The following SNX29 variants were observed in gnomAD, a reference collection of about 807,000 sequenced individuals.
SNX29 encodes the protein sorting nexin 29.
Under a neutral mutation model 102.1 loss-of-function variants are expected in SNX29, and 78 were observed. The ratio of observed to expected loss-of-function variants is 0.76; its 90% CI spans 0.64 to 0.92. SNX29 has a LOEUF of 0.92. SNX29 is among the 40% of genes least tolerant of loss of function. The pLI is 0.00. For missense variants in SNX29, 1,280 were observed against 1,061.7 expected, an observed-to-expected ratio of 1.21 and a Z score of -2.86; for synonymous variants, 580 against 414.5, an observed-to-expected ratio of 1.40 and a Z score of -4.85.
At chr16:12,433,650 A>AAAAAAAAAAAAAC (rs1491545656) in intron 18 of SNX29, among the ~76,000 whole-genome samples, 1 of 48,014 alleles carries the variant, frequency 2.1e-5, no homozygotes, top group Non-Finnish European at 5.1e-5. Flanking sequence ...AAAAAAAAAA[A>AAAAAAAAAAAAAC]GGAAACTTAG....
At chr16:12,200,787 C>T (rs898349433) in intron 14 of SNX29, among the ~76,000 whole-genome samples, 3 of 152,156 alleles carry the variant, frequency 2.0e-5, no homozygotes, top group Admixed American at 6.5e-5. Flanking sequence ...TCCCAGCCCA[C>T]ATGTCTTCAG....
At chr16:11,980,283 GC>G (rs1245160251) in intron 1 of SNX29, among the ~76,000 whole-genome samples, 1 of 151,922 alleles carries the variant, frequency 6.6e-6, no homozygotes, top group African/African-American at 2.4e-5. Flanking sequence ...CTCTTATCTG[GC>G]TTTTTTCACT....
intron 14 of SNX29, among the ~76,000 whole-genome samples, chr16:12,217,630 T>C (rs538041574): frequency 3.3e-5 from 5 of 152,218 alleles, no homozygotes; most frequent in Non-Finnish European, 7.3e-5. Flanking sequence ...AGCAGTAAGA[T>C]GGCCAGCTGC....
intron 11 of SNX29, among the ~76,000 whole-genome samples, chr16:12,115,889 C>T (rs910278331): frequency 2.0e-5 from 3 of 152,232 alleles, no homozygotes; most frequent in African/African-American, 7.2e-5. Flanking sequence ...CCACTGCACC[C>T]CGCAAGAGGA....
chr16:12,489,775 G>T (rs1238185559), intron 19 of SNX29, among the ~76,000 whole-genome samples: 2 of 151,850 alleles, frequency 1.3e-5, no homozygotes, highest in East Asian at 3.9e-4. Flanking sequence ...TTCCTCCCCC[G>T]TTCACTTCTC....
At chr16:12,311,125 A>G (rs2080527239) in intron 15 of SNX29, among the ~76,000 whole-genome samples, 1 of 152,212 alleles carries the variant, frequency 6.6e-6, no homozygotes, top group Non-Finnish European at 1.5e-5. Flanking sequence ...GATAGGGCAG[A>G]GCTGCATTGC....
At chr16:12,188,671 T>G (rs1266754278) in intron 13 of SNX29, among the ~76,000 whole-genome samples, 1 of 152,078 alleles carries the variant, frequency 6.6e-6, no homozygotes. Context: ...GCTAATGAGA[T>G]GGGCTTTATA....
intron 11 of SNX29, among the ~76,000 whole-genome samples, chr16:12,107,372 C>T (rs1332271849): frequency 1.4e-5 from 2 of 144,608 alleles, no homozygotes; most frequent in Non-Finnish European, 3.0e-5. Flanking sequence ...GTTTTTGCTT[C>T]GAAAGAATTT....
At chr16:12,303,071 C>G (rs2080228847) in intron 15 of SNX29, among the ~76,000 whole-genome samples, 1 of 152,156 alleles carries the variant, frequency 6.6e-6, no homozygotes, top group Middle Eastern at 3.2e-3. Context: ...CAAATGCAGC[C>G]CAAACCATTT....
intron 16 of SNX29, among the ~76,000 whole-genome samples, chr16:12,362,562 ACCCCC>A (rs796459458): frequency 3.5e-4 from 7 of 19,992 alleles, no homozygotes; most frequent in South Asian, 3.7e-3. Context: ...CTCCCCCCCC[ACCCCC>A]CCCCCCACCA....
chr16:12,345,469 G>A (rs781421725), intron 15 of SNX29, among the ~76,000 whole-genome samples: 2 of 152,180 alleles, frequency 1.3e-5, no homozygotes, highest in South Asian at 2.1e-4. Flanking sequence ...CTATCTAGCC[G>A]TGCTCCACTC....
chr16:12,420,808 G>A (rs1191515041), intron 18 of SNX29, among the ~76,000 whole-genome samples: 3 of 152,194 alleles, frequency 2.0e-5, no homozygotes, highest in African/African-American at 7.2e-5. Flanking sequence ...CATGCTTCAG[G>A]GTGAACACTG....
chr16:12,013,806 G>A (rs1328550925), intron 3 of SNX29, among the ~76,000 whole-genome samples: 2 of 143,790 alleles, frequency 1.4e-5, no homozygotes, highest in Non-Finnish European at 3.1e-5. Flanking sequence ...CGCCATACCC[G>A]GCTAATTTTT....
chr16:12,082,666 G>A (rs2051965544), intron 11 of SNX29, among the ~76,000 whole-genome samples: 2 of 152,156 alleles, frequency 1.3e-5, no homozygotes, highest in African/African-American at 4.8e-5. Flanking sequence ...ATGTCACCAT[G>A]TCTGCATTTG....
At chr16:12,262,714 T>C (rs2078813460) in intron 14 of SNX29, among the ~76,000 whole-genome samples, 1 of 152,244 alleles carries the variant, frequency 6.6e-6, no homozygotes, top group African/African-American at 2.4e-5. Context: ...AAGGGTGACC[T>C]GCACTTTCTG....
chr16:12,299,420 T>C (rs2080089676), intron 15 of SNX29, among the ~76,000 whole-genome samples: 1 of 152,242 alleles, frequency 6.6e-6, no homozygotes, highest in African/African-American at 2.4e-5. Flanking sequence ...GGTGTTTAGT[T>C]TGATTCCTGA....
At chr16:12,167,033 C>T (rs2076032225) in intron 13 of SNX29, among the ~76,000 whole-genome samples, 1 of 152,168 alleles carries the variant, frequency 6.6e-6, no homozygotes, top group Non-Finnish European at 1.5e-5. Flanking sequence ...TTCCACATGG[C>T]CCATTTGCTC....
At chr16:12,029,469 C>T (rs1428297521) in intron 4 of SNX29, 17 of 424,512 alleles carry the variant, frequency 4.0e-5, no homozygotes, top group South Asian at 2.9e-4. Context: ...CACTGGAAAC[C>T]CAAGTAGCCA....
At chr16:12,042,669 A>G (rs1703493) in intron 4 of SNX29, among the ~76,000 whole-genome samples, 105,678 of 152,152 alleles carry the variant, frequency 0.69, 37,393 homozygotes, top group African/African-American at 0.8. Context: ...GTTCTTTTTC[A>G]TGGCTGCATA....
Sources: gnomAD v4.1 joint callset for allele counts (sites outside exome capture counted in the v4.1 genomes callset) on GRCh38, gnomAD v4.1.1 for gene constraint, MANE v1.5 for transcripts, NCBI Gene and HGNC (gene_info 2026-07-23, HGNC 2026-07-21) for gene names.